The following HELZ variants were observed in gnomAD, a reference collection of about 807,000 sequenced individuals.
HELZ encodes ATP-dependent RNA helicase with zinc finger domain.
Under a neutral mutation model 218.2 loss-of-function variants are expected in HELZ, and 23 were observed. The observed-to-expected ratio is 0.11, with a 90% CI of 0.08 to 0.15. The LOEUF is 0.15. Ranked by LOEUF, HELZ falls within the 10% of genes least tolerant of loss-of-function variation. The pLI is 1.00. For missense variants in HELZ, 1,813 were observed against 2,353.7 expected (o/e 0.77, Z 4.75); for synonymous variants, 814 against 829.4 (o/e 0.98, Z 0.32).
intron 5 of HELZ, among the ~76,000 whole-genome samples, chr17:67,211,468 T>C (rs998351035): frequency 6.6e-6 from 1 of 152,206 alleles, no homozygotes; most frequent in African/African-American, 2.4e-5. Flanking sequence ...GAAGTAAATA[T>C]GGCAAAACAT....
intron 27 of HELZ, among the ~76,000 whole-genome samples, chr17:67,118,709 A>AAAAAAAAAAAG: frequency 6.6e-6 from 1 of 150,476 alleles, no homozygotes; most frequent in Non-Finnish European, 1.5e-5. Flanking sequence ...AAAAAAAAAA[A>AAAAAAAAAAAG]AAAAAAGGCA....
intron 17 of HELZ, among the ~76,000 whole-genome samples, chr17:67,154,857 C>G (rs1027057778): frequency 6.6e-6 from 1 of 152,110 alleles, no homozygotes; most frequent in Non-Finnish European, 1.5e-5. Context: ...AGCACTGGCT[C>G]ACATAAAAAC....
intron 3 of HELZ, among the ~76,000 whole-genome samples, chr17:67,233,280 G>C (rs1176990667): frequency 1.3e-5 from 2 of 152,216 alleles, no homozygotes; most frequent in African/African-American, 4.8e-5. Context: ...TTAAACCTGG[G>C]ATGCGGAGGC....
rs2035861617 is a variant in HELZ, at chr17:67,070,554, T to C, written c.*7698A>G. On this transcript the variant is annotated 3_prime_UTR_variant, in exon 33 of 33. Coordinates refer to ENST00000358691, the MANE Select transcript of HELZ (RefSeq NM_014877.4). ...AACTTCACTGAGACAATGAGCACAC[T>C]GTAGGAACTGTAGACCCCAAGTTGA... 2 of 152,168 alleles carry C rather than the reference T, an allele frequency of 1.3e-5. No homozygotes were observed. 9.4% of individuals were successfully genotyped at this position (152,168 alleles called of 1,614,324 possible).
intron 24 of HELZ, 117 bp downstream of exon 24, chr17:67,128,534 C>T (rs769294436): frequency 3.7e-5 from 33 of 894,866 alleles, no homozygotes; most frequent in Admixed American, 1.4e-4. Context: ...AACCGCTTGC[C>T]GCCAAATGTA....
At chr17:67,177,620 A>C (rs915054390) in intron 13 of HELZ, among the ~76,000 whole-genome samples, 2 of 151,050 alleles carry the variant, frequency 1.3e-5, no homozygotes, top group Admixed American at 1.3e-4. Flanking sequence ...TGTCCTTCTT[A>C]TTTAACAGCC....
intron 4 of HELZ, among the ~76,000 whole-genome samples, chr17:67,217,824 A>C (rs554244744): frequency 6.6e-6 from 1 of 151,724 alleles, no homozygotes; most frequent in African/African-American, 2.4e-5. Context: ...CCACATCTCT[A>C]ACCCCAATAT....
At chr17:67,178,463 A>C (rs1471022895) in intron 13 of HELZ, among the ~76,000 whole-genome samples, 196 bp downstream of exon 13, 5 of 152,198 alleles carry the variant, frequency 3.3e-5, no homozygotes, top group Non-Finnish European at 5.9e-5. Context: ...CTATGTGCTA[A>C]ATAACAGGGA....
chr17:67,107,964 C>T (rs1418826677), intron 30 of HELZ, among the ~76,000 whole-genome samples: 1 of 152,106 alleles, frequency 6.6e-6, no homozygotes, highest in Non-Finnish European at 1.5e-5. Context: ...TAAAAGGTCA[C>T]CATGATGGTG....
chr17:67,112,537 T>C (rs535592804), intron 28 of HELZ, among the ~76,000 whole-genome samples: 1 of 152,310 alleles, frequency 6.6e-6, no homozygotes, highest in African/African-American at 2.4e-5. Flanking sequence ...CTTGGCTGCC[T>C]CATTTGTACT....
intron 32 of HELZ, among the ~76,000 whole-genome samples, chr17:67,080,523 T>C (rs1328680245): frequency 6.6e-6 from 1 of 152,222 alleles, no homozygotes; most frequent in Non-Finnish European, 1.5e-5. Flanking sequence ...AGGTTGCTTC[T>C]CATATCTGGA....
At chr17:67,223,259 C>CA (rs1300832330) in intron 3 of HELZ, among the ~76,000 whole-genome samples, 4 of 151,218 alleles carry the variant, frequency 2.6e-5, no homozygotes, top group Non-Finnish European at 5.9e-5. Context: ...GATTCCGTCT[C>CA]AAAAAAGAAA....
rs2037125774 is a variant in HELZ, at chr17:67,107,059, T to C, written c.5241+110A>G. 2.9e-6 allele frequency: 3 copies of C among 1,034,918 alleles called. No individual in the cohort carries two copies. In the East Asian group the frequency reaches 7.2e-5, roughly 25 times the overall value. 64.1% of individuals were successfully genotyped at this position (1,034,918 alleles called of 1,614,324 possible). On this transcript the variant is annotated intron_variant, in intron 31 of 32. Transcript: ENST00000358691. ...ATAATTCCCAAGAAAGGATTATCTT[T>C]AATACGCTGTTAAATTCAATAAGAT...
intron 2 of HELZ, among the ~76,000 whole-genome samples, chr17:67,242,241 C>T (rs2041332365): frequency 1.3e-5 from 2 of 152,038 alleles, no homozygotes; most frequent in Non-Finnish European, 2.9e-5. Context: ...CATGGTGAAA[C>T]CCTCTCTCTA....
chr17:67,195,513 G>C, intron 7 of HELZ, 43 bp from the exon 8 acceptor site: 2 of 1,132,908 alleles, frequency 1.8e-6, no homozygotes, highest in South Asian at 2.5e-5. Flanking sequence ...CAAGAATAAC[G>C]TTGATGCTGA....
chr17:67,117,463 A>G (rs867994360), intron 27 of HELZ, among the ~76,000 whole-genome samples: 1 of 152,214 alleles, frequency 6.6e-6, no homozygotes. Context: ...GGAATGTATT[A>G]CTGAAGAGAA....
intron 5 of HELZ, among the ~76,000 whole-genome samples, chr17:67,206,013 T>G (rs1179512792): frequency 6.6e-6 from 1 of 152,238 alleles, no homozygotes; most frequent in Non-Finnish European, 1.5e-5. Flanking sequence ...AAAATTAAAT[T>G]GCAATGCTGC....
intron 3 of HELZ, among the ~76,000 whole-genome samples, chr17:67,227,253 C>T (rs984047733): frequency 6.7e-5 from 10 of 150,272 alleles, no homozygotes; most frequent in East Asian, 1.9e-4. Context: ...AGTGCAGTGG[C>T]GTGACCTCAG....
intron 21 of HELZ, among the ~76,000 whole-genome samples, chr17:67,141,794 C>A (rs1241686015): frequency 6.6e-6 from 1 of 151,996 alleles, no homozygotes; most frequent in Admixed American, 6.6e-5. Context: ...CCTATAATCC[C>A]AACACTTTGG....
Sources: allele counts gnomAD v4.1 joint callset (sites outside exome capture counted in the v4.1 genomes callset), GRCh38; gene constraint gnomAD v4.1.1; transcripts MANE v1.5; gene names NCBI Gene and HGNC (gene_info 2026-07-23, HGNC 2026-07-21).